OPCML: variants seen among roughly 807,000 people sequenced by gnomAD.
OPCML encodes opioid-binding protein/cell adhesion molecule.
In OPCML, 13 loss-of-function variants were observed where a neutral mutation model predicts 37.8. That is an observed-to-expected ratio of 0.34 (90% confidence interval 0.22 to 0.55). OPCML has a LOEUF of 0.55. Ranked by LOEUF, OPCML falls within the 20% of genes least tolerant of loss-of-function variation. The probability of loss-of-function intolerance (pLI) is 0.91; values close to 1 mark genes in which losing one functional copy is unlikely to be tolerated. For synonymous variants in OPCML, 176 were observed against 168.8 expected (o/e 1.04, Z -0.33); for missense variants, 341 against 435.6 (o/e 0.78, Z 1.93).
chr11:133,419,706 GT>G (rs1056619713), intron 1 of OPCML, among the ~76,000 whole-genome samples: 1 of 151,938 alleles, frequency 6.6e-6, no homozygotes, highest in East Asian at 1.9e-4. Context: ...AGGCTTGACT[GT>G]TTTTTTTATT....
At chr11:133,494,674 G>T (rs1026351130) in intron 1 of OPCML, among the ~76,000 whole-genome samples, 65 of 134,882 alleles carry the variant, frequency 4.8e-4, no homozygotes, top group Non-Finnish European at 4.9e-4. Context: ...TGAACAATGA[G>T]AACACATGGA....
intron 4 of OPCML, among the ~76,000 whole-genome samples, chr11:132,447,529 C>T (rs575524023): frequency 6.6e-6 from 1 of 151,222 alleles, no homozygotes; most frequent in African/African-American, 2.4e-5. Flanking sequence ...AGGCTGGTCT[C>T]GAACTCCTGA....
chr11:132,745,708 C>A (rs1945609109), intron 2 of OPCML, among the ~76,000 whole-genome samples: 1 of 152,114 alleles, frequency 6.6e-6, no homozygotes, highest in Non-Finnish European at 1.5e-5. Flanking sequence ...GCCTCCAGAG[C>A]TATTTCACGT....
intron 1 of OPCML, among the ~76,000 whole-genome samples, chr11:133,185,638 T>C (rs935669150): frequency 6.6e-6 from 1 of 152,166 alleles, no homozygotes; most frequent in Non-Finnish European, 1.5e-5. Context: ...GGTTAGGGAA[T>C]GAGAAGCAAG....
At chr11:132,924,151 A>G (rs76707005) in intron 2 of OPCML, among the ~76,000 whole-genome samples, 2 of 130,148 alleles carry the variant, frequency 1.5e-5, no homozygotes, top group Non-Finnish European at 3.3e-5. Context: ...GTGTGTGTGT[A>G]TGTGAAGAGG....
intron 4 of OPCML, among the ~76,000 whole-genome samples, chr11:132,488,300 G>T (rs927204152): frequency 3.3e-5 from 5 of 152,168 alleles, no homozygotes; most frequent in African/African-American, 1.2e-4. Context: ...GGATACTTCT[G>T]GGAAATGTGT....
chr11:132,750,320 G>A (rs184049657), intron 2 of OPCML, among the ~76,000 whole-genome samples: 5 of 152,324 alleles, frequency 3.3e-5, no homozygotes, highest in African/African-American at 9.6e-5. Flanking sequence ...CTATTAGCAT[G>A]TGTATGTCTG....
chr11:132,932,298 A>T (rs1402612091), intron 2 of OPCML, among the ~76,000 whole-genome samples: 1 of 152,156 alleles, frequency 6.6e-6, no homozygotes, highest in Non-Finnish European at 1.5e-5. Flanking sequence ...AAATTGGTTT[A>T]CATGATACAT....
intron 1 of OPCML, among the ~76,000 whole-genome samples, chr11:133,280,413 A>G (rs80075638): frequency 0.036 from 5,541 of 152,290 alleles, 250 homozygotes; most frequent in African/African-American, 0.11. Context: ...GTTTGAATGA[A>G]CTAACAGATC....
intron 1 of OPCML, among the ~76,000 whole-genome samples, chr11:133,367,116 T>C (rs1944558256): frequency 6.6e-6 from 1 of 152,124 alleles, no homozygotes; most frequent in African/African-American, 2.4e-5. Context: ...GTAGCTAGGA[T>C]TACAGGCATG....
At chr11:132,958,285 T>C (rs947216682) in intron 1 of OPCML, among the ~76,000 whole-genome samples, 1 of 152,220 alleles carries the variant, frequency 6.6e-6, no homozygotes, top group Non-Finnish European at 1.5e-5. Context: ...GTAACTCTCT[T>C]CAATTCTATG....
At chr11:132,973,836 A>T (rs1591865474) in intron 1 of OPCML, among the ~76,000 whole-genome samples, 1 of 152,220 alleles carries the variant, frequency 6.6e-6, no homozygotes, top group African/African-American at 2.4e-5. Context: ...ATCATCTTCT[A>T]CTTAAGAGCA....
At chr11:133,263,268 T>C (rs1026466162) in intron 1 of OPCML, among the ~76,000 whole-genome samples, 1 of 152,176 alleles carries the variant, frequency 6.6e-6, no homozygotes, top group Non-Finnish European at 1.5e-5. Flanking sequence ...AATACAGTCA[T>C]ACATCATATA....
intron 1 of OPCML, among the ~76,000 whole-genome samples, chr11:132,974,975 T>G (rs1946425258): frequency 6.6e-6 from 1 of 151,836 alleles, no homozygotes; most frequent in Non-Finnish European, 1.5e-5. Flanking sequence ...ACCTATAAGC[T>G]AATAATTCAC....
chr11:132,507,578 C>T (rs1391543026), intron 4 of OPCML, among the ~76,000 whole-genome samples: 1 of 150,154 alleles, frequency 6.7e-6, no homozygotes, highest in African/African-American at 2.4e-5. Flanking sequence ...GGTAAAATTT[C>T]TGAATTAAAA....
intron 3 of OPCML, among the ~76,000 whole-genome samples, chr11:132,563,248 A>G (rs1408845682): frequency 6.6e-6 from 1 of 152,156 alleles, no homozygotes. Context: ...AGGGAGTTTG[A>G]CCTCAGAGTG....
intron 1 of OPCML, among the ~76,000 whole-genome samples, chr11:133,062,899 T>C (rs937970161): frequency 2.6e-5 from 4 of 152,266 alleles, no homozygotes; most frequent in Admixed American, 6.5e-5. Flanking sequence ...CACTGCTGCA[T>C]GCAGCCAGCC....
intron 1 of OPCML, among the ~76,000 whole-genome samples, chr11:133,329,988 G>GA (rs958440193): frequency 5.1e-4 from 77 of 151,998 alleles, no homozygotes; most frequent in African/African-American, 1.8e-3. Context: ...AAGTTTACAA[G>GA]AAAAAAACAA....
rs1294792813 is a variant in OPCML, at chr11:133,212,894, C to T, written c.62-269884G>A. On this transcript the variant is annotated intron_variant, in intron 1 of 7. Coordinates refer to ENST00000524381, the MANE Select transcript of OPCML (RefSeq NM_001012393.5). This position sits in a 1 kb window ranked among gnomAD's most constrained non-coding sequence, Gnocchi z 4.9. The stretch of plus-strand genomic sequence containing the variant: ...ATTCCACGTTTGTATCTGCGTCATG[C>T]CGTTAAACCACACATCAAGCTTTTA... Among the ~76,000 whole-genome samples, 2 of 152,164 alleles carry T rather than the reference C, an allele frequency of 1.3e-5. No homozygotes were observed. The highest frequency in any genetic ancestry group is 2.9e-5 in the Non-Finnish European group (2 of 68,038).
Sources: allele counts gnomAD v4.1 joint callset (sites outside exome capture counted in the v4.1 genomes callset), GRCh38; gene constraint gnomAD v4.1.1; non-coding constraint Gnocchi (gnomAD v3.1); transcripts MANE v1.5; gene names NCBI Gene and HGNC (gene_info 2026-07-23, HGNC 2026-07-21).